Variants in CAPN11 observed in about 807,000 individuals in gnomAD.
The protein encoded by CAPN11 is calpain-11.
Under a neutral mutation model 105.3 loss-of-function variants are expected in CAPN11, and 108 were observed. The ratio of observed to expected loss-of-function variants is 1.03; its 90% confidence interval spans 0.88 to 1.20. CAPN11 has a LOEUF of 1.20. Among genes scored for constraint, CAPN11 ranks in the 50% most tolerant of loss-of-function variants. The probability of loss-of-function intolerance (pLI) is 0.00; values close to 1 mark genes in which losing one functional copy is unlikely to be tolerated. For missense variants in CAPN11, 883 were observed against 924.8 expected (o/e 0.95, Z 0.59); for synonymous variants, 329 against 344.5 (o/e 0.96, Z 0.50).
intron 7 of CAPN11, among the ~76,000 whole-genome samples, chr6:44,175,068 T>C (rs1391385440): frequency 6.6e-6 from 1 of 152,240 alleles, no homozygotes; most frequent in Non-Finnish European, 1.5e-5. Flanking sequence ...AAATGTTCTA[T>C]ATCTTGACAG....
At chr6:44,176,482 C>A in intron 9 of CAPN11, 99 bp from the exon 10 acceptor site, 1 of 1,335,946 alleles carries the variant, frequency 7.5e-7, no homozygotes, top group Non-Finnish European at 1.1e-6. Context: ...GCTCCGCACC[C>A]CAGCAGGCAG....
chr6:44,161,823 G>T lies in CAPN11; in HGVS notation c.16+2959G>T, dbSNP rs775504883. Reference sequence around the variant, plus strand: ...GAGAGCTCAACACCCTCAGTCCTCGGAGCAGCCAGGGTAGAGGCTGCCTGG... The same window carrying T: ...GAGAGCTCAACACCCTCAGTCCTCGTAGCAGCCAGGGTAGAGGCTGCCTGG... On this transcript the variant is annotated intron_variant, in intron 1 of 22. Coordinates refer to ENST00000398776, the MANE Select transcript of CAPN11 (RefSeq NM_007058.4). 1.1e-4 allele frequency: 48 copies of T among 456,086 alleles called. No homozygotes were observed. The Admixed American group carries it at 1.1e-3, about 10-fold the overall frequency. 28.3% of individuals were successfully genotyped at this position (456,086 alleles called of 1,614,324 possible). A position where few individuals can be genotyped will look rare whatever the true frequency, so the allele number is the denominator to read the frequency against.
chr6:44,171,941 C>T (rs2128302224), intron 4 of CAPN11, among the ~76,000 whole-genome samples: 1 of 152,258 alleles, frequency 6.6e-6, no homozygotes, highest in South Asian at 2.1e-4. Flanking sequence ...TGGCGGGCGC[C>T]TGTGGTCCCA....
At chr6:44,182,916 C>T in intron 19 of CAPN11, 25 bp from the exon 20 acceptor site, 1 of 1,561,306 alleles carries the variant, frequency 6.4e-7, no homozygotes, top group Non-Finnish European at 8.8e-7. Flanking sequence ...GCATGTGGCC[C>T]TACCATATCT....
rs1312712494 is a variant in CAPN11, at chr6:44,176,914, G to T, written c.1153G>T (p.Asp385Tyr). Residue 385 changes from aspartate to tyrosine, a missense_variant, in exon 11 of 23, where the codon GAC becomes TAC. By Grantham distance (160) the Asp-to-Tyr change is radical. Coordinates refer to ENST00000398776, the MANE Select transcript of CAPN11 (RefSeq NM_007058.4). ...CNLTPDTLSG[D>Y]YKSYWHTTFY... is the part of the protein sequence containing the mutation. The stretch of plus-strand genomic sequence containing the variant: ...CCTCACGCCTGATACACTCTCTGGG[G>T]ACTACAAGAGCTACTGGCACACCAC... The T allele has an allele frequency of 6.2e-7, 1 of 1,613,844 alleles. No individual in the cohort carries two copies. The highest frequency in any genetic ancestry group is 8.5e-7 in the Non-Finnish European group (1 of 1,179,896).
In CAPN11 at chr6:44,184,289, C is replaced by T; in HGVS notation, c.*357C>T. 1 of 356,126 alleles carries T rather than the reference C, an allele frequency of 2.8e-6. No individual in the cohort carries two copies. The highest frequency in any genetic ancestry group is 5.2e-6 in the Non-Finnish European group (1 of 190,854). 22.1% of individuals were successfully genotyped at this position (356,126 alleles called of 1,614,324 possible). On this transcript the variant is annotated 3_prime_UTR_variant, in exon 23 of 23. Transcript: ENST00000398776. ...AGGGACTTGTAGCCCGTTTCTTACC[C>T]TCCATGCTTGCTGTCCTGCTCACAC...
intron 19 of CAPN11, among the ~76,000 whole-genome samples, chr6:44,181,551 A>G (rs1773375068): frequency 1.3e-5 from 1 of 79,450 alleles, no homozygotes; most frequent in Non-Finnish European, 2.7e-5. Context: ...ACACACACAC[A>G]CTCACATACA....
chr6:44,158,837 C>G lies in CAPN11; in HGVS notation c.-12C>G. 6.4e-7 allele frequency: 1 copy of G among 1,551,298 alleles called. No homozygotes were observed. Among genetic ancestry groups the G allele is most frequent in the Non-Finnish European group, 8.7e-7 (1 of 1,146,724 alleles). On this transcript the variant is annotated 5_prime_UTR_variant, in exon 1 of 23. Transcript: ENST00000398776. The stretch of plus-strand genomic sequence containing the variant: ...GAACCTTCAACTGTCAAGCACCGAG[C>G]TAGCCACCAGCATGCTGTACTCCCC...
chr6:44,174,599 G>A (rs574461189), intron 7 of CAPN11, among the ~76,000 whole-genome samples: 6 of 144,604 alleles, frequency 4.1e-5, no homozygotes, highest in African/African-American at 1.5e-4. Flanking sequence ...GTTACACACT[G>A]CATGATTCAC....
chr6:44,177,319 G>A lies in CAPN11; in HGVS notation c.1315G>A (p.Val439Ile). 9.3e-6 allele frequency: 15 copies of A among 1,613,928 alleles called. No individual in the cohort carries two copies. Among genetic ancestry groups the A allele is most frequent in the Non-Finnish European group, 1.3e-5 (15 of 1,179,860 alleles). Residue 439 changes from valine to isoleucine, a missense_variant, in exon 12 of 23, where the codon GTT (valine) becomes ATT (isoleucine). Coordinates refer to ENST00000398776, the MANE Select transcript of CAPN11 (RefSeq NM_007058.4). ...CCCAGAGGATGACGCAGAGGGCAAT[G>A]TTGTGGTCTGCACCTGCCTGGTGGC... ...DDPEDDAEGN[V>I]VVCTCLVALM...
chr6:44,173,584 G>GT (rs201895163), intron 7 of CAPN11, among the ~76,000 whole-genome samples, 198 bp downstream of exon 7: 90,958 of 148,712 alleles, frequency 0.61, 27,980 homozygotes, highest in Non-Finnish European at 0.66. Flanking sequence ...TTTTTTGTTT[G>GT]TTTGTTTTGT....
intron 7 of CAPN11, 81 bp from the exon 8 acceptor site, chr6:44,175,987 C>T (rs1771928897): frequency 8.5e-6 from 7 of 822,330 alleles, no homozygotes; most frequent in Admixed American, 4.1e-5. Context: ...CTGGAGAGCT[C>T]GCCCCTTCCT....
chr6:44,176,959 C>G lies in CAPN11; in HGVS notation c.1198C>G (p.Arg400Gly). The G allele has an allele frequency of 6.2e-7, 1 of 1,613,822 alleles. No individual in the cohort carries two copies. The highest frequency in any genetic ancestry group is 8.5e-7 in the Non-Finnish European group (1 of 1,179,878). Residue 400 changes from arginine (R) to glycine (G), a missense_variant, in exon 11 of 23, where the codon CGC becomes GGC. By Grantham distance (125) the Arg-to-Gly change is moderately radical. Coordinates refer to ENST00000398776, the MANE Select transcript of CAPN11 (RefSeq NM_007058.4). ...WHTTFYEGSW[R>G]RGSSAGGCRN... Reference sequence around the variant, plus strand: ...CACCACCTTCTACGAGGGCAGCTGGCGCAGAGGCAGCTCCGCAGGGGGCTG... The same window carrying G: ...CACCACCTTCTACGAGGGCAGCTGGGGCAGAGGCAGCTCCGCAGGGGGCTG...
intron 2 of CAPN11, among the ~76,000 whole-genome samples, chr6:44,167,864 C>T (rs1770224012): frequency 6.6e-6 from 1 of 150,830 alleles, no homozygotes; most frequent in Non-Finnish European, 1.5e-5. Context: ...TGCAGTGAGC[C>T]ATGATCAAGC....
chr6:44,183,236 G>T lies in CAPN11; in HGVS notation c.2134+1G>T. The T allele has an allele frequency of 6.3e-7, 1 of 1,593,032 alleles. No individual in the cohort carries two copies. Among genetic ancestry groups the T allele is most frequent in the Non-Finnish European group, 8.6e-7 (1 of 1,160,830 alleles). On this transcript the variant is annotated splice_donor_variant, in intron 21 of 22. Transcript: ENST00000398776. LOFTEE classifies it high-confidence loss of function. ...TTCCTGAGGCTAAAGACCATGTTCA[G>T]TGAGTTAGGCATCTACCCACTCCCC...
intron 5 of CAPN11, 81 bp downstream of exon 5, chr6:44,172,501 C>T (rs534051096): frequency 3.6e-6 from 3 of 825,370 alleles, no homozygotes; most frequent in East Asian, 5.8e-5. Context: ...TACCTTCTTT[C>T]CTTTTGAAAA....
At chr6:44,178,840 T>C (rs1280788194) in intron 12 of CAPN11, among the ~76,000 whole-genome samples, 1 of 151,254 alleles carries the variant, frequency 6.6e-6, no homozygotes, top group Non-Finnish European at 1.5e-5. Flanking sequence ...AGAGGATCAC[T>C]TGAGCTCAGG....
Position 44,172,398 on chromosome 6 carries a change from A to G in CAPN11, c.506A>G (p.Tyr169Cys). 3 of 1,556,686 alleles carry G rather than the reference A, an allele frequency of 1.9e-6. No homozygotes were observed. The highest frequency in any genetic ancestry group is 3.9e-5 in the Admixed American group (2 of 51,636). ...AGAGGACAGAGCTTCAAGAAAAACT[A>G]TGCTGGCATCTTCCATTTTCAGGTG... ...VPRGQSFKKN[Y>C]AGIFHFQIWQ... The change falls in exon 5 of 23, where the codon TAT (tyrosine) becomes TGT (cysteine). Residue 169 changes from tyrosine (Y) to cysteine (C), a missense_variant. By Grantham distance (194) the Tyr-to-Cys change is radical. Coordinates refer to ENST00000398776, the MANE Select transcript of CAPN11 (RefSeq NM_007058.4).
At position 44,181,275 on chromosome 6, in the gene CAPN11, G is replaced by A. The variant is rs963938759; in HGVS notation, c.1893G>A (p.Gly631=). The A allele has an allele frequency of 1.9e-6, 3 of 1,613,512 alleles. No individual in the cohort carries two copies. Among genetic ancestry groups the A allele is most frequent in the Non-Finnish European group, 2.5e-6 (3 of 1,179,636 alleles). The change falls in exon 19 of 23, where the codon GGG becomes GGA. Residue 631 remains glycine (G), a synonymous_variant. Transcript: ENST00000398776. ...LMDKDGSGKL[G]LLEFKILWKK... ...AGAAAGATGGCTCTGGCAAGCTGGG[G>A]CTTCTAGAGTTCAAGATCCTGTGGA...
Sources: allele counts gnomAD v4.1 joint callset (sites outside exome capture counted in the v4.1 genomes callset), GRCh38; gene constraint gnomAD v4.1.1; transcripts MANE v1.5; gene names NCBI Gene and HGNC (gene_info 2026-07-23, HGNC 2026-07-21).